The following PCDH11X variants were observed in gnomAD, a reference collection of about 807,000 sequenced individuals.
PCDH11X encodes protocadherin 11 X-linked.
A neutral mutation model predicts 53.3 loss-of-function variants in PCDH11X; 18 were observed. That is an observed-to-expected ratio of 0.34 (90% CI 0.23 to 0.50). The LOEUF is 0.50. PCDH11X is among the 20% of genes least tolerant of loss of function. The probability of loss-of-function intolerance (pLI) is 0.98; values close to 1 mark genes in which losing one functional copy is unlikely to be tolerated. For synonymous variants in PCDH11X, 279 were observed against 393.3 expected (o/e 0.71, Z 3.44); for missense variants, 570 against 1,032.4 (o/e 0.55, Z 6.14).
At chrX:91,928,941 A>G (rs934821564) in intron 6 of PCDH11X, among the ~76,000 whole-genome samples, 1 of 111,060 alleles carries the variant, frequency 9.0e-6, no homozygotes, top group Admixed American at 9.6e-5. Flanking sequence ...TAGTGTGTAT[A>G]TATAAACATT....
chrX:92,039,410 G>A (rs1455370419), intron 6 of PCDH11X, among the ~76,000 whole-genome samples: 1 of 111,509 alleles, frequency 9.0e-6, no homozygotes, highest in Middle Eastern at 4.6e-3. Context: ...CTATGGCTAA[G>A]CTGGTTCTTG....
At chrX:92,161,264 T>C (rs930259426) in intron 6 of PCDH11X, among the ~76,000 whole-genome samples, 26 of 112,012 alleles carry the variant, frequency 2.3e-4, no homozygotes, top group African/African-American at 7.8e-4. Flanking sequence ...GTATCTTTTC[T>C]TCATTTATAA....
chrX:92,066,647 C>T (rs1198992323), intron 6 of PCDH11X, among the ~76,000 whole-genome samples: 2 of 111,265 alleles, frequency 1.8e-5, no homozygotes, highest in African/African-American at 3.3e-5. Context: ...GTTCACTGTT[C>T]GCATATAGAA....
intron 6 of PCDH11X, among the ~76,000 whole-genome samples, chrX:92,030,944 CAT>C (rs897504304): frequency 9.4e-6 from 1 of 106,546 alleles, no homozygotes; most frequent in Non-Finnish European, 1.9e-5. Context: ...CTGCAACAAA[CAT>C]GGGGGTGCAG....
chrX:92,081,098 G>A (rs2063849080), intron 6 of PCDH11X, among the ~76,000 whole-genome samples: 1 of 111,466 alleles, frequency 9.0e-6, no homozygotes, highest in Non-Finnish European at 1.9e-5. Flanking sequence ...TTGGAGCAGT[G>A]TGTTTTGAAT....
intron 8 of PCDH11X, among the ~76,000 whole-genome samples, chrX:92,332,839 G>A (rs1044460165): frequency 5.4e-5 from 6 of 111,741 alleles, no homozygotes; most frequent in African/African-American, 2.0e-4. Context: ...TCAGGAATAA[G>A]CCTCAAAAAT....
At chrX:92,515,239 T>A in intron 10 of PCDH11X, 1 of 110,381 alleles carries the variant, frequency 9.1e-6, no homozygotes, top group African/African-American at 3.2e-5. Context: ...TTCTTATTAT[T>A]TCATAAAGAA....
chrX:92,400,221 C>A (rs1398611401), intron 9 of PCDH11X, among the ~76,000 whole-genome samples: 1 of 111,561 alleles, frequency 9.0e-6, no homozygotes, highest in Non-Finnish European at 1.9e-5. Flanking sequence ...ATTAGCAAAG[C>A]AGAGTACCAG....
intron 6 of PCDH11X, among the ~76,000 whole-genome samples, chrX:91,954,325 T>A (rs914287504): frequency 2.7e-5 from 3 of 111,650 alleles, no homozygotes; most frequent in African/African-American, 9.8e-5. Context: ...TTCCATGGTG[T>A]ATATGTACCA....
At chrX:92,069,878 T>C (rs1365176875) in intron 6 of PCDH11X, among the ~76,000 whole-genome samples, 3 of 110,471 alleles carry the variant, frequency 2.7e-5, no homozygotes, top group Admixed American at 1.9e-4. Context: ...GACAGGGTTT[T>C]GTCACGTTGG....
At chrX:91,806,065 T>G (rs1177630938) in intron 1 of PCDH11X, among the ~76,000 whole-genome samples, 1 of 112,387 alleles carries the variant, frequency 8.9e-6, no homozygotes, top group Non-Finnish European at 1.9e-5. Flanking sequence ...CTAGTCAAAC[T>G]TGGTTTAAAT....
intron 7 of PCDH11X, among the ~76,000 whole-genome samples, chrX:92,219,717 CA>C (rs1040536405): frequency 1.1e-5 from 1 of 93,603 alleles, no homozygotes; most frequent in Non-Finnish European, 2.2e-5. Context: ...CATATGGAAC[CA>C]AAAAAGAGCA....
chrX:92,435,174 G>T (rs1193014898), intron 9 of PCDH11X, among the ~76,000 whole-genome samples: 1 of 110,076 alleles, frequency 9.1e-6, no homozygotes, highest in African/African-American at 3.3e-5. Context: ...ACCAAGATGA[G>T]GAAATAATCT....
At chrX:92,223,647 G>T (rs1156564082) in intron 7 of PCDH11X, among the ~76,000 whole-genome samples, 3 of 111,822 alleles carry the variant, frequency 2.7e-5, no homozygotes, top group Non-Finnish European at 5.6e-5. Context: ...GAATACCAAT[G>T]TTGCGACTGA....
intron 6 of PCDH11X, among the ~76,000 whole-genome samples, chrX:92,093,874 A>G (rs2064088815): frequency 9.0e-6 from 1 of 111,116 alleles, no homozygotes; most frequent in Non-Finnish European, 1.9e-5. Flanking sequence ...TACGCAAGAG[A>G]TGAACTCTCC....
At chrX:92,458,214 AT>A in intron 9 of PCDH11X, among the ~76,000 whole-genome samples, 1 of 96,566 alleles carries the variant, frequency 1.0e-5, no homozygotes, top group Non-Finnish European at 2.1e-5. Flanking sequence ...TCAAGTGCTT[AT>A]TTTTATTTGT....
chrX:92,112,562 T>A (rs1490636577), intron 6 of PCDH11X, among the ~76,000 whole-genome samples: 1 of 109,325 alleles, frequency 9.1e-6, no homozygotes, highest in Non-Finnish European at 1.9e-5. Flanking sequence ...AGATTTATTA[T>A]AATGTTTTCT....
intron 6 of PCDH11X, among the ~76,000 whole-genome samples, chrX:91,927,026 T>G (rs1222303339): frequency 9.0e-6 from 1 of 111,231 alleles, no homozygotes; most frequent in Non-Finnish European, 1.9e-5. Context: ...GAGATCAACT[T>G]TTTTAGCTTC....
chrX:92,534,516 C>G (rs2074620479), intron 10 of PCDH11X, among the ~76,000 whole-genome samples: 1 of 111,655 alleles, frequency 9.0e-6, no homozygotes, highest in African/African-American at 3.3e-5. Flanking sequence ...CCCAACCTAG[C>G]AAGGCAGGCC....
Sources: gnomAD v4.1 joint callset for allele counts (sites outside exome capture counted in the v4.1 genomes callset) on GRCh38, gnomAD v4.1.1 for gene constraint, MANE v1.5 for transcripts, NCBI Gene and HGNC (gene_info 2026-07-23, HGNC 2026-07-21) for gene names.